PGR: variants seen among roughly 807,000 people sequenced by gnomAD.
PGR encodes the protein progesterone receptor.
PGR carries 25 observed loss-of-function variants against 76.1 expected under a neutral mutation model. That is an observed-to-expected ratio of 0.33 (90% CI 0.24 to 0.46). The LOEUF is 0.46. Ranked by LOEUF, PGR falls within the 20% of genes least tolerant of loss-of-function variation. The pLI, the probability that PGR is intolerant of heterozygous loss-of-function variation, is 1.00. For missense variants in PGR, 1,172 were observed against 1,225.3 expected (o/e 0.96, Z 0.65); for synonymous variants, 579 against 535.0 (o/e 1.08, Z -1.14).
intron 3 of PGR, chr11:101,063,583 G>C (rs660149): frequency 0.75 from 113,698 of 152,128 alleles, 42,717 homozygotes; most frequent in East Asian, 0.99. Context: ...AGAGAAAGTT[G>C]TGGTGATGTG....
intron 2 of PGR, among the ~76,000 whole-genome samples, chr11:101,095,471 C>A (rs1423323269): frequency 1.3e-5 from 2 of 152,222 alleles, no homozygotes; most frequent in African/African-American, 4.8e-5. Flanking sequence ...TATATTAACT[C>A]ATTTCATCAT....
chr11:101,129,733 G>A lies in PGR; in HGVS notation c.-663C>T, dbSNP rs1386885838. ...GTTGTAGATTTCACTCAAATGACAA[G>A]TGAAGCTAGTTCTCATTGAGAATGC... On this transcript the variant is annotated 5_prime_UTR_variant, in exon 1 of 8. Transcript: ENST00000325455. 1 of 180,378 alleles carries A rather than the reference G, an allele frequency of 5.5e-6. No individual in the cohort carries two copies. The highest frequency in any genetic ancestry group is 1.2e-5 in the Non-Finnish European group (1 of 84,364). 11.2% of individuals were successfully genotyped at this position (180,378 alleles called of 1,614,324 possible).
At chr11:101,119,761 C>G (rs902537855) in intron 2 of PGR, among the ~76,000 whole-genome samples, 1 of 152,176 alleles carries the variant, frequency 6.6e-6, no homozygotes, top group Non-Finnish European at 1.5e-5. Context: ...ATTTGAAAAC[C>G]AGTCTCCTAT....
In PGR at chr11:101,042,611, A is replaced by C. The variant is rs192188471; in HGVS notation, c.2489-509T>G. On this transcript the variant is annotated intron_variant, in intron 6 of 7. Transcript: ENST00000325455. ...TGTAATTTTAAAAATTGCTTCATTA[A>C]GTTTTCTAATGCCTTCCTGCTGATA... Among the ~76,000 whole-genome samples, 863 of 152,212 alleles carry C rather than the reference A, an allele frequency of 5.7e-3. 6 individuals carry two copies. Among genetic ancestry groups the C allele is most frequent in the Non-Finnish European group, 7.1e-3 (484 of 68,010 alleles).
chr11:101,127,588 G>C lies in PGR; in HGVS notation c.1483C>G (p.Leu495Val). 7.6e-7 allele frequency: 1 copy of C among 1,314,086 alleles called. No homozygotes were observed. The highest frequency in any genetic ancestry group is 9.6e-7 in the Non-Finnish European group (1 of 1,040,286). The allele number at this position is 1,314,086 out of a possible 1,614,324, so 81.4% of individuals were successfully genotyped here. ...GCGGCAGAGGCGGAGGTGGAGGGCA[G>C]GCCGTCCCGCGGGAGCAGGCAGCCG... ...ASGCLLPRDG[L>V]PSTSASAAAA... Residue 495 changes from leucine to valine, a missense_variant, in exon 1 of 8, where the codon CTG becomes GTG. Physicochemically the swap from Leu to Val is conservative, Grantham distance 32. Coordinates refer to ENST00000325455, the MANE Select transcript of PGR (RefSeq NM_000926.4).
intron 2 of PGR, among the ~76,000 whole-genome samples, chr11:101,116,240 C>T (rs1379831630): frequency 1.3e-5 from 2 of 152,148 alleles, no homozygotes; most frequent in Non-Finnish European, 2.9e-5. Flanking sequence ...ACAGAGTAAC[C>T]TCAAGCTTTT....
At chr11:101,122,047 C>T (rs1378934059) in intron 2 of PGR, among the ~76,000 whole-genome samples, 3 of 149,462 alleles carry the variant, frequency 2.0e-5, no homozygotes, top group Non-Finnish European at 3.0e-5. Flanking sequence ...CCCAGCTACT[C>T]GGGAGGCTAA....
At chr11:101,059,861 AG>A (rs1591379152) in intron 4 of PGR, among the ~76,000 whole-genome samples, 11 of 144,736 alleles carry the variant, frequency 7.6e-5, no homozygotes, top group Middle Eastern at 3.3e-3. Flanking sequence ...AAAAAAAAAA[AG>A]AAAAAAAAGA....
chr11:101,105,803 C>T (rs903408068), intron 2 of PGR, among the ~76,000 whole-genome samples: 1 of 152,170 alleles, frequency 6.6e-6, no homozygotes, highest in Non-Finnish European at 1.5e-5. Context: ...AAGCTGGAGG[C>T]ATCACACTAC....
At position 101,031,746 on chromosome 11, in the gene PGR, A is replaced by G. The variant is rs530786329; in HGVS notation, c.*7370T>C. 3 of 227,664 alleles carry G rather than the reference A, an allele frequency of 1.3e-5. No individual in the cohort carries two copies. Among genetic ancestry groups the G allele is most frequent in the South Asian group, 1.8e-4 (1 of 5,476 alleles). The allele number at this position is 227,664 out of a possible 1,614,324, so 14.1% of individuals were successfully genotyped here. A position where few individuals can be genotyped will look rare whatever the true frequency, so the allele number is the denominator to read the frequency against. The stretch of plus-strand genomic sequence containing the variant: ...ATGGGCTTTGATGGAACTTGGTTCC[A>G]TAGAAGGAATCCCAGATAAGGCTTT... On this transcript the variant is annotated 3_prime_UTR_variant, in exon 8 of 8. Transcript: ENST00000325455.
In PGR at chr11:101,038,525, A is replaced by G. The variant is rs1859587473; in HGVS notation, c.*591T>C. The G allele has an allele frequency of 4.4e-6, 1 of 229,284 alleles. No homozygotes were observed. Among genetic ancestry groups the G allele is most frequent in the Non-Finnish European group, 8.6e-6 (1 of 115,732 alleles). The allele number at this position is 229,284 out of a possible 1,614,324, so 14.2% of individuals were successfully genotyped here. A position where few individuals can be genotyped will look rare whatever the true frequency, so the allele number is the denominator to read the frequency against. The stretch of plus-strand genomic sequence containing the variant: ...TTCCAATCTGGAAAATGGTCTTAAC[A>G]TATGAGTTGTTTTGCCTAGTTTGAA... On this transcript the variant is annotated 3_prime_UTR_variant, in exon 8 of 8. Transcript: ENST00000325455.
At chr11:101,097,782 T>G (rs979361315) in intron 2 of PGR, among the ~76,000 whole-genome samples, 5 of 150,260 alleles carry the variant, frequency 3.3e-5, no homozygotes, top group Non-Finnish European at 5.9e-5. Flanking sequence ...GTTACTCTTT[T>G]TTTTTTTTTT....
rs1862901297 is a variant in PGR at position 101,127,632 on chromosome 11, C to G, written c.1439G>C (p.Cys480Ser). ...GCAGCCGCTCGCGCCCGGCGCCTTGCAGGGCGGCGGCGCGAACGGGCCCTG... is the reference window on the plus strand; with the variant it reads ...GCAGCCGCTCGCGCCCGGCGCCTTGGAGGGCGGCGGCGCGAACGGGCCCTG... Reference protein sequence around the residue: ...PQQGPFAPPPCKAPGASGCLL... With the variant: ...PQQGPFAPPPSKAPGASGCLL... The change falls in exon 1 of 8, where the codon TGC becomes TCC. Residue 480 changes from cysteine to serine, a missense_variant. Coordinates refer to ENST00000325455, the MANE Select transcript of PGR (RefSeq NM_000926.4). The G allele has an allele frequency of 2.2e-6, 3 of 1,364,564 alleles. No homozygotes were observed. Among genetic ancestry groups the G allele is most frequent in the South Asian group, 3.7e-5 (2 of 53,348 alleles). The allele number at this position is 1,364,564 out of a possible 1,614,324, so 84.5% of individuals were successfully genotyped here.
In PGR at chr11:101,030,438, G is replaced by A. The variant is rs780569636; in HGVS notation, c.*8678C>T. On this transcript the variant is annotated 3_prime_UTR_variant, in exon 8 of 8. Transcript: ENST00000325455. ...TGCATCTGTTACCAGCCAGTGCCAG[G>A]AGAACTGTCAGGCACACATGGATAG... 1 of 230,782 alleles carries A rather than the reference G, an allele frequency of 4.3e-6. No homozygotes were observed. Among genetic ancestry groups the A allele is most frequent in the Non-Finnish European group, 8.6e-6 (1 of 116,590 alleles). 14.3% of individuals were successfully genotyped at this position (230,782 alleles called of 1,614,324 possible). A position where few individuals can be genotyped will look rare whatever the true frequency, so the allele number is the denominator to read the frequency against.
intron 3 of PGR, among the ~76,000 whole-genome samples, chr11:101,086,344 T>C (rs1861499978): frequency 6.6e-6 from 1 of 152,110 alleles, no homozygotes; most frequent in Admixed American, 6.6e-5. Context: ...TAAAACCATA[T>C]GATCATCTCA....
intron 2 of PGR, among the ~76,000 whole-genome samples, chr11:101,108,080 C>A (rs540879443): frequency 1.3e-5 from 2 of 151,078 alleles, no homozygotes; most frequent in South Asian, 2.1e-4. Context: ...ACAGTGAAAC[C>A]CTGTCTCTAC....
At chr11:101,104,094 C>A (rs889423266) in intron 2 of PGR, among the ~76,000 whole-genome samples, 2 of 152,150 alleles carry the variant, frequency 1.3e-5, no homozygotes, top group East Asian at 3.9e-4. Context: ...TCTTGAATAT[C>A]TACTATGTGC....
At chr11:101,089,531 C>T (rs1283273329) in intron 3 of PGR, among the ~76,000 whole-genome samples, 1 of 152,124 alleles carries the variant, frequency 6.6e-6, no homozygotes, top group Non-Finnish European at 1.5e-5. Context: ...GTTGCTCGTC[C>T]TCCCACAGTG....
chr11:101,076,009 A>G (rs930976226), intron 3 of PGR, among the ~76,000 whole-genome samples: 1 of 152,218 alleles, frequency 6.6e-6, no homozygotes, highest in African/African-American at 2.4e-5. Flanking sequence ...CCATAAAGAC[A>G]CATGCACACG....
Sources: allele counts gnomAD v4.1 joint callset (sites outside exome capture counted in the v4.1 genomes callset), GRCh38; gene constraint gnomAD v4.1.1; transcripts MANE v1.5; gene names NCBI Gene and HGNC (gene_info 2026-07-23, HGNC 2026-07-21).